Variants in GUCY1A1 observed in about 807,000 individuals in gnomAD.
GUCY1A1 encodes the protein guanylate cyclase 1 soluble subunit alpha 1, also known as guanylate cyclase soluble subunit alpha-1.
A neutral mutation model predicts 64.5 loss-of-function variants in GUCY1A1; 48 were observed. That is an observed-to-expected ratio of 0.74 (90% CI 0.59 to 0.95). The LOEUF is 0.95. GUCY1A1 is among the 40% of genes least tolerant of loss of function. The pLI is 0.00. For synonymous variants in GUCY1A1, 308 were observed against 303.4 expected, an observed-to-expected ratio of 1.02 and a Z score of -0.16; for missense variants, 804 against 825.3, an observed-to-expected ratio of 0.97 and a Z score of 0.32.
At chr4:155,677,418 T>C (rs1006524367) in intron 2 of GUCY1A1, among the ~76,000 whole-genome samples, 3 of 152,244 alleles carry the variant, frequency 2.0e-5, no homozygotes, top group Admixed American at 6.5e-5. Context: ...CCTTCATGAC[T>C]ATCACCACTG....
At position 155,732,930 on chromosome 4, in the gene GUCY1A1, A is replaced by T. The variant is rs1185151124; in HGVS notation, c.*2699A>T. 6.6e-6 allele frequency among the ~76,000 whole-genome samples: 1 copy of T among 151,934 alleles called. No homozygotes were observed. The highest frequency in any genetic ancestry group is 1.5e-5 in the Non-Finnish European group (1 of 67,892). On this transcript the variant is annotated 3_prime_UTR_variant, in exon 10 of 10. Transcript: ENST00000506455. ...ATATTTCTCAGGCAAGCACAGAGTTATACTGAACTTTTCTAAAGATGCTTT... is the reference window on the plus strand; with the variant it reads ...ATATTTCTCAGGCAAGCACAGAGTTTTACTGAACTTTTCTAAAGATGCTTT...
At chr4:155,708,124 G>T (rs76314261) in intron 4 of GUCY1A1, 112 bp from the exon 5 acceptor site, 1 of 592,182 alleles carries the variant, frequency 1.7e-6, no homozygotes, top group Non-Finnish European at 3.0e-6. Flanking sequence ...GGCGTGAGCC[G>T]CTGTGCCTGG....
intron 2 of GUCY1A1, among the ~76,000 whole-genome samples, chr4:155,683,862 T>G (rs1736168078): frequency 6.6e-6 from 1 of 152,182 alleles, no homozygotes; most frequent in Admixed American, 6.5e-5. Context: ...TCTCAAAGTA[T>G]TCCCTGCAGT....
chr4:155,723,731 T>C lies in GUCY1A1; in HGVS notation c.1871+1539T>C, dbSNP rs755038423. Among the ~76,000 whole-genome samples the C allele has an allele frequency of 1.1e-4, 17 of 152,084 alleles. No homozygotes were observed. In the East Asian group the frequency reaches 1.4e-3, roughly 12 times the overall value. On this transcript the variant is annotated intron_variant, in intron 9 of 9. Transcript: ENST00000506455. Reference sequence around the variant, plus strand: ...AGGTTGGAGTACAGCAGCTCAGTCTTGCCTCACTGCAAGCTCTGCCTCCCA... The same window carrying C: ...AGGTTGGAGTACAGCAGCTCAGTCTCGCCTCACTGCAAGCTCTGCCTCCCA...
chr4:155,690,822 T>C (rs114835148), intron 2 of GUCY1A1, among the ~76,000 whole-genome samples: 2,635 of 152,308 alleles, frequency 0.017, 67 homozygotes, highest in African/African-American at 0.059. Context: ...TCCTGGATTG[T>C]AAGTTCTTGA....
chr4:155,691,734 A>G (rs1274316273), intron 2 of GUCY1A1, among the ~76,000 whole-genome samples: 3 of 152,242 alleles, frequency 2.0e-5, no homozygotes, highest in Admixed American at 2.0e-4. Context: ...TGTGATGGAT[A>G]CATAATTTTT....
chr4:155,672,142 T>G (rs1238159889), intron 2 of GUCY1A1, among the ~76,000 whole-genome samples: 1 of 152,010 alleles, frequency 6.6e-6, no homozygotes, highest in African/African-American at 2.4e-5. Flanking sequence ...CTTTTACAAA[T>G]ACTTACTGCA....
At chr4:155,728,421 G>T (rs1735044546) in intron 9 of GUCY1A1, among the ~76,000 whole-genome samples, 1 of 151,852 alleles carries the variant, frequency 6.6e-6, no homozygotes, top group African/African-American at 2.4e-5. Context: ...GTGATATAAT[G>T]TGTATTCTAG....
chr4:155,710,430 G>C, intron 5 of GUCY1A1, 112 bp from the exon 6 acceptor site: 2 of 671,592 alleles, frequency 3.0e-6, no homozygotes, highest in Non-Finnish European at 5.2e-6. Flanking sequence ...GTTATTAGCA[G>C]ATATAAAGGG....
chr4:155,726,134 A>G (rs1328865071), intron 9 of GUCY1A1, among the ~76,000 whole-genome samples: 1 of 151,944 alleles, frequency 6.6e-6, no homozygotes, highest in African/African-American at 2.4e-5. Context: ...GACAAATATG[A>G]TATAGCTTTT....
intron 2 of GUCY1A1, among the ~76,000 whole-genome samples, chr4:155,693,385 C>T (rs569036849): frequency 2.2e-4 from 33 of 152,288 alleles, no homozygotes; most frequent in Admixed American, 2.0e-3. Context: ...CATGTTACTA[C>T]CATCTCTACA....
intron 2 of GUCY1A1, among the ~76,000 whole-genome samples, chr4:155,681,261 C>A (rs1159194307): frequency 6.6e-6 from 1 of 152,068 alleles, no homozygotes; most frequent in African/African-American, 2.4e-5. Context: ...TGACTTTCTG[C>A]AATTTAACCA....
At chr4:155,695,846 GTAGACCCAGT>G (rs1730339681) in intron 2 of GUCY1A1, among the ~76,000 whole-genome samples, 1 of 152,162 alleles carries the variant, frequency 6.6e-6, no homozygotes, top group African/African-American at 2.4e-5. Flanking sequence ...GAAATAGCTG[GTAGACCCAGT>G]TAATCAAGAT....
intron 2 of GUCY1A1, among the ~76,000 whole-genome samples, chr4:155,669,287 ATT>A (rs975085378): frequency 5.3e-5 from 8 of 152,050 alleles, no homozygotes; most frequent in African/African-American, 1.9e-4. Flanking sequence ...ATCTCTTTCT[ATT>A]ATACGACAGA....
rs928798406 is a variant in GUCY1A1, at chr4:155,732,506, TAAGGA to T, written c.*2277_*2281del. The stretch of plus-strand genomic sequence containing the variant: ...TTCACAATTTAGATGCTAAAAAATT[TAAGGA>T]ATATCTTTTTTTCTCTATCTTATCT... On this transcript the variant is annotated 3_prime_UTR_variant, in exon 10 of 10. Transcript: ENST00000506455. 2.0e-5 allele frequency among the ~76,000 whole-genome samples: 3 copies of T among 151,932 alleles called. No homozygotes were observed. The highest frequency in any genetic ancestry group is 7.2e-5 in the African/African-American group (3 of 41,422).
chr4:155,720,089 G>A (rs1579111380), intron 8 of GUCY1A1, among the ~76,000 whole-genome samples: 2 of 152,144 alleles, frequency 1.3e-5, no homozygotes, highest in South Asian at 2.1e-4. Context: ...AAGGCAGCAC[G>A]GCATGGAAGG....
rs369131755 is a variant in GUCY1A1, at chr4:155,696,850, G to A, written c.-18G>A. 1 of 1,612,278 alleles carries A rather than the reference G, an allele frequency of 6.2e-7. No homozygotes were observed. On this transcript the variant is annotated 5_prime_UTR_variant, in exon 3 of 10. Coordinates refer to ENST00000506455, the MANE Select transcript of GUCY1A1 (RefSeq NM_001130682.3). ...CTCATCAGGAGGAGATCGCAGCAGG[G>A]TAAGAGACACCAACACCATGTTCTG...
rs1735478807 is a variant in GUCY1A1 at position 155,730,981 on chromosome 4, C to T, written c.*750C>T. 1 of 153,224 alleles carries T rather than the reference C, an allele frequency of 6.5e-6. No individual in the cohort carries two copies. Among genetic ancestry groups the T allele is most frequent in the Non-Finnish European group, 1.5e-5 (1 of 67,834 alleles). 9.5% of individuals were successfully genotyped at this position (153,224 alleles called of 1,614,324 possible). A position where few individuals can be genotyped will look rare whatever the true frequency, so the allele number is the denominator to read the frequency against. The stretch of plus-strand genomic sequence containing the variant: ...TTTAATCCATGTTAGCAATTTAATT[C>T]CTATTAATTCATTTTACTATCATAA... On this transcript the variant is annotated 3_prime_UTR_variant, in exon 10 of 10. Coordinates refer to ENST00000506455, the MANE Select transcript of GUCY1A1 (RefSeq NM_001130682.3).
At chr4:155,717,410 A>G in intron 8 of GUCY1A1, 108 bp downstream of exon 8, 2 of 639,282 alleles carry the variant, frequency 3.1e-6, no homozygotes, top group Non-Finnish European at 4.8e-6. Context: ...GAGAGAGAGA[A>G]AGCAAAATCT....
Sources: gnomAD v4.1 joint callset for allele counts (sites outside exome capture counted in the v4.1 genomes callset) on GRCh38, gnomAD v4.1.1 for gene constraint, MANE v1.5 for transcripts, NCBI Gene and HGNC (gene_info 2026-07-23, HGNC 2026-07-21) for gene names.